The following KCNK2 variants were observed in gnomAD, a reference collection of about 807,000 sequenced individuals.
The protein encoded by KCNK2 is potassium two pore domain channel subfamily K member 2, also known as potassium channel subfamily K member 2.
In KCNK2, 21 loss-of-function variants were observed where a neutral mutation model predicts 40.5. That is an observed-to-expected ratio of 0.52 (90% CI 0.37 to 0.75). KCNK2 has a LOEUF of 0.75. KCNK2 is among the 30% of genes least tolerant of loss of function. The probability of loss-of-function intolerance (pLI) is 0.00; values close to 1 mark genes in which losing one functional copy is unlikely to be tolerated. For missense variants in KCNK2, 399 were observed against 531.6 expected (o/e 0.75, Z 2.45); for synonymous variants, 191 against 202.2 (o/e 0.94, Z 0.47).
intron 3 of KCNK2, among the ~76,000 whole-genome samples, chr1:215,156,930 A>G (rs901326683): frequency 5.9e-5 from 9 of 152,076 alleles, no homozygotes; most frequent in Non-Finnish European, 1.3e-4. Flanking sequence ...TCGTGCCTGT[A>G]ATCCCAGCTA....
chr1:215,068,960 A>G (rs1410803297), intron 1 of KCNK2, among the ~76,000 whole-genome samples: 3 of 152,234 alleles, frequency 2.0e-5, no homozygotes, highest in Non-Finnish European at 4.4e-5. Context: ...AGAAAACAAC[A>G]TTGATAACAA....
chr1:215,108,586 C>T (rs1571621830), intron 2 of KCNK2, among the ~76,000 whole-genome samples: 1 of 152,016 alleles, frequency 6.6e-6, no homozygotes, highest in East Asian at 1.9e-4. Flanking sequence ...AAATCATTGC[C>T]AAGGCCAATG....
intron 2 of KCNK2, among the ~76,000 whole-genome samples, chr1:215,097,921 T>C (rs1416576296): frequency 6.6e-6 from 1 of 152,004 alleles, no homozygotes; most frequent in Admixed American, 6.6e-5. Context: ...GTTGATGGTC[T>C]CCTTCACACC....
At chr1:215,231,921 T>C (rs1666683109) in intron 6 of KCNK2, among the ~76,000 whole-genome samples, 1 of 152,136 alleles carries the variant, frequency 6.6e-6, no homozygotes, top group Admixed American at 6.5e-5. Context: ...CTCATGAGAC[T>C]AATTCACTAT....
intron 3 of KCNK2, among the ~76,000 whole-genome samples, chr1:215,134,290 C>T (rs2102592953): frequency 6.6e-6 from 1 of 152,218 alleles, no homozygotes; most frequent in Admixed American, 6.5e-5. Flanking sequence ...GGGCTCAGTC[C>T]CGCAAGACTG....
intron 3 of KCNK2, among the ~76,000 whole-genome samples, chr1:215,164,010 G>T (rs1298958437): frequency 6.6e-6 from 1 of 152,132 alleles, no homozygotes; most frequent in Non-Finnish European, 1.5e-5. Context: ...GCTCCTCTTT[G>T]TACCTCTGGT....
chr1:215,046,220 T>C (rs936988756), intron 1 of KCNK2, among the ~76,000 whole-genome samples: 2 of 152,170 alleles, frequency 1.3e-5, no homozygotes, highest in Non-Finnish European at 2.9e-5. Context: ...TTGGAAAATA[T>C]GATTTGAGAA....
chr1:215,172,706 G>C (rs1663772993), intron 5 of KCNK2, among the ~76,000 whole-genome samples: 1 of 151,902 alleles, frequency 6.6e-6, no homozygotes, highest in East Asian at 1.9e-4. Flanking sequence ...ACCCAGGCTG[G>C]AGTGCACTGG....
chr1:215,161,716 G>C (rs1388974549), intron 3 of KCNK2, among the ~76,000 whole-genome samples: 2 of 152,056 alleles, frequency 1.3e-5, no homozygotes, highest in Non-Finnish European at 2.9e-5. Context: ...TGAGAATGAT[G>C]GTTTCTAGCT....
intron 2 of KCNK2, among the ~76,000 whole-genome samples, chr1:215,094,084 T>A (rs1298749372): frequency 6.7e-6 from 1 of 148,936 alleles, no homozygotes; most frequent in Non-Finnish European, 1.5e-5. Context: ...GTCATTCTGA[T>A]TTGTGTAAGC....
At chr1:215,092,818 C>G (rs1028662205) in intron 2 of KCNK2, among the ~76,000 whole-genome samples, 1 of 152,176 alleles carries the variant, frequency 6.6e-6, no homozygotes, top group Non-Finnish European at 1.5e-5. Flanking sequence ...TGCTGACAAG[C>G]TGGTACCCAC....
At chr1:215,113,718 CCTT>C (rs1467050293) in intron 2 of KCNK2, among the ~76,000 whole-genome samples, 1 of 152,188 alleles carries the variant, frequency 6.6e-6, no homozygotes, top group African/African-American at 2.4e-5. Flanking sequence ...GCCTCAGCCT[CCTT>C]ATTAGCTGGA....
chr1:215,216,105 T>G (rs927106973), intron 6 of KCNK2, among the ~76,000 whole-genome samples: 2 of 152,204 alleles, frequency 1.3e-5, no homozygotes, highest in Non-Finnish European at 2.9e-5. Context: ...ATTCACTTAA[T>G]GTGCATGAAT....
At chr1:215,158,622 T>C (rs903509273) in intron 3 of KCNK2, among the ~76,000 whole-genome samples, 1 of 152,220 alleles carries the variant, frequency 6.6e-6, no homozygotes, top group Non-Finnish European at 1.5e-5. Context: ...GGAGGTAGGT[T>C]ACTTCTTATG....
At chr1:215,024,426 T>C (rs933396981) in intron 1 of KCNK2, among the ~76,000 whole-genome samples, 5 of 152,214 alleles carry the variant, frequency 3.3e-5, no homozygotes, top group African/African-American at 1.2e-4. Flanking sequence ...AATATGTTTC[T>C]AATCCTAGCA....
At chr1:215,225,420 C>T (rs996668402) in intron 6 of KCNK2, among the ~76,000 whole-genome samples, 1 of 152,130 alleles carries the variant, frequency 6.6e-6, no homozygotes, top group African/African-American at 2.4e-5. Context: ...GCTGGAAATT[C>T]GTGGTCAGAA....
At chr1:215,020,834 C>T (rs916296810) in intron 1 of KCNK2, among the ~76,000 whole-genome samples, 3 of 152,124 alleles carry the variant, frequency 2.0e-5, no homozygotes, top group African/African-American at 4.8e-5. Flanking sequence ...GCTACATTCT[C>T]GCCATATACT....
At chr1:215,007,011 A>ATGTGTGTGTGTGTG (rs1458691596) in intron 1 of KCNK2, among the ~76,000 whole-genome samples, 5 of 17,260 alleles carry the variant, frequency 2.9e-4, no homozygotes, top group African/African-American at 4.8e-4. Flanking sequence ...ATATATATAT[A>ATGTGTGTGTGTGTG]TATATATATA....
At chr1:215,117,765 G>T (rs1661011979) in intron 2 of KCNK2, among the ~76,000 whole-genome samples, 1 of 152,022 alleles carries the variant, frequency 6.6e-6, no homozygotes, top group Admixed American at 6.6e-5. Flanking sequence ...AGTGGCACTC[G>T]ACAGGAATAT....
Sources: gnomAD v4.1 joint callset for allele counts (sites outside exome capture counted in the v4.1 genomes callset) on GRCh38, gnomAD v4.1.1 for gene constraint, MANE v1.5 for transcripts, NCBI Gene and HGNC (gene_info 2026-07-23, HGNC 2026-07-21) for gene names.